Variants in COMMD10 observed in about 807,000 individuals in gnomAD.
COMMD10 encodes the protein COMM domain containing 10.
A neutral mutation model predicts 28.9 loss-of-function variants in COMMD10; 33 were observed. The observed-to-expected ratio is 1.14, with a 90% CI of 0.87 to 1.53. The LOEUF (loss-of-function observed/expected upper bound fraction) is 1.53, where lower values mean the gene tolerates loss of function less well. COMMD10 is among the 40% of genes most tolerant of loss of function. COMMD10 has a pLI of 0.00. For synonymous variants in COMMD10, 110 were observed against 81.7 expected (o/e 1.35, Z -1.87); for missense variants, 310 against 233.4 (o/e 1.33, Z -2.14).
intron 5 of COMMD10, among the ~76,000 whole-genome samples, chr5:116,290,312 A>G (rs942779653): frequency 3.3e-5 from 5 of 151,920 alleles, no homozygotes; most frequent in Admixed American, 1.3e-4. Flanking sequence ...TCATGATTTT[A>G]TATCATTCTT....
intron 5 of COMMD10, chr5:116,188,586 TCTTTC>T (rs1748225707): frequency 6.6e-6 from 1 of 151,874 alleles, no homozygotes; most frequent in East Asian, 1.9e-4. Flanking sequence ...TTTCTTTCTT[TCTTTC>T]TTTTCTTCTT....
At chr5:116,158,684 A>C (rs1324899995) in intron 5 of COMMD10, among the ~76,000 whole-genome samples, 1 of 152,018 alleles carries the variant, frequency 6.6e-6, no homozygotes, top group African/African-American at 2.4e-5. Flanking sequence ...TGTTTTCTTA[A>C]GTGTTTTTAC....
At chr5:116,229,295 A>T (rs1417652793) in intron 5 of COMMD10, among the ~76,000 whole-genome samples, 7 of 152,018 alleles carry the variant, frequency 4.6e-5, no homozygotes. Context: ...GTCTCTAGGG[A>T]CAGGTATTCA....
chr5:116,235,354 G>A (rs967547076), intron 5 of COMMD10, among the ~76,000 whole-genome samples: 1 of 152,110 alleles, frequency 6.6e-6, no homozygotes, highest in Non-Finnish European at 1.5e-5. Flanking sequence ...GTTACATTTC[G>A]AGTTCCAAGT....
intron 5 of COMMD10, among the ~76,000 whole-genome samples, chr5:116,197,406 T>G (rs1051220974): frequency 6.6e-6 from 1 of 152,124 alleles, no homozygotes; most frequent in Non-Finnish European, 1.5e-5. Flanking sequence ...TTTGGAGATA[T>G]GATCTTGCCC....
At chr5:116,152,664 C>T (rs1211597195) in intron 5 of COMMD10, among the ~76,000 whole-genome samples, 2 of 151,632 alleles carry the variant, frequency 1.3e-5, no homozygotes, top group Non-Finnish European at 2.9e-5. Flanking sequence ...AAATATGCTG[C>T]TAGTTACAGC....
intron 5 of COMMD10, among the ~76,000 whole-genome samples, chr5:116,157,252 A>T (rs1580500090): frequency 2.6e-5 from 4 of 152,178 alleles, no homozygotes. Context: ...TTGTGGCAGG[A>T]CCTTACCTTT....
intron 5 of COMMD10, among the ~76,000 whole-genome samples, chr5:116,264,474 A>C (rs565222594): frequency 6.6e-6 from 1 of 151,900 alleles, no homozygotes; most frequent in Admixed American, 6.6e-5. Context: ...TCACTGTAGC[A>C]CTTAGCATGC....
chr5:116,133,922 G>A (rs1751941212), intron 4 of COMMD10, 146 bp from the exon 5 acceptor site: 5 of 548,104 alleles, frequency 9.1e-6, no homozygotes, highest in Non-Finnish European at 1.6e-5. Context: ...AATTCGCAGA[G>A]TATGCAGGTT....
At chr5:116,161,866 T>C (rs1752929918) in intron 5 of COMMD10, among the ~76,000 whole-genome samples, 1 of 152,164 alleles carries the variant, frequency 6.6e-6, no homozygotes, top group Non-Finnish European at 1.5e-5. Context: ...TAAACTCACG[T>C]ATAAATGGAC....
At chr5:116,245,890 C>G (rs894635043) in intron 5 of COMMD10, among the ~76,000 whole-genome samples, 27 of 152,092 alleles carry the variant, frequency 1.8e-4, no homozygotes, top group Non-Finnish European at 1.3e-4. Context: ...ACTGAATGAG[C>G]AAAAGCTGGA....
At position 116,291,515 on chromosome 5, in the gene COMMD10, A is replaced by G; in HGVS notation, c.511-2A>G. On this transcript the variant is annotated splice_acceptor_variant, in intron 5 of 6. Coordinates refer to ENST00000274458, the MANE Select transcript of COMMD10 (RefSeq NM_016144.4). LOFTEE classifies it high-confidence loss of function. ...TCTTTTTGTTGTTTTTCTTCCTTAC[A>G]GAGCCTGGAGAAAGTTCTTGTGGAA... 1 of 1,597,282 alleles carries G rather than the reference A, an allele frequency of 6.3e-7. No homozygotes were observed. The highest frequency in any genetic ancestry group is 8.6e-7 in the Non-Finnish European group (1 of 1,168,988).
intron 5 of COMMD10, among the ~76,000 whole-genome samples, chr5:116,176,175 G>A (rs1325920531): frequency 6.6e-6 from 1 of 152,100 alleles, no homozygotes; most frequent in African/African-American, 2.4e-5. Context: ...GCAGTGGCAC[G>A]ATCTTGGTTC....
chr5:116,260,488 A>G (rs1364752924), intron 5 of COMMD10, among the ~76,000 whole-genome samples: 1 of 151,856 alleles, frequency 6.6e-6, no homozygotes, highest in African/African-American at 2.4e-5. Context: ...GTTATTTTCA[A>G]AAGTGCCATG....
chr5:116,216,010 A>C (rs1244860357), intron 5 of COMMD10, among the ~76,000 whole-genome samples: 2 of 152,082 alleles, frequency 1.3e-5, no homozygotes, highest in African/African-American at 2.4e-5. Context: ...GGGAAAGGAA[A>C]GGCCTTATCA....
chr5:116,280,597 G>A (rs1009660909), intron 5 of COMMD10, among the ~76,000 whole-genome samples: 3 of 151,804 alleles, frequency 2.0e-5, no homozygotes, highest in African/African-American at 7.3e-5. Context: ...TTCTCGGGCA[G>A]CACATGTTAC....
chr5:116,092,663 T>C lies in COMMD10; in HGVS notation c.362T>C (p.Val121Ala), dbSNP rs200380253. The change falls in exon 4 of 7, where the codon GTT (valine) becomes GCT (alanine). Residue 121 changes from valine to alanine, a missense_variant. Coordinates refer to ENST00000274458, the MANE Select transcript of COMMD10 (RefSeq NM_016144.4). The part of the protein sequence containing the change: ...NTWSSMGQET[V>A]EKFRQRILAP... The stretch of plus-strand genomic sequence containing the variant: ...TGGTCTTCTATGGGTCAAGAAACAG[T>C]TGAAAAGTTCCGGCAGAGAATTCTG... 6.2e-6 allele frequency: 10 copies of C among 1,609,516 alleles called. No individual in the cohort carries two copies. Among genetic ancestry groups the C allele is most frequent in the Middle Eastern group, 1.7e-4 (1 of 6,050 alleles).
At chr5:116,202,463 A>C (rs1204678830) in intron 5 of COMMD10, among the ~76,000 whole-genome samples, 5 of 151,956 alleles carry the variant, frequency 3.3e-5, no homozygotes, top group African/African-American at 1.2e-4. Flanking sequence ...ATCGCCACAC[A>C]GACTTCCACA....
intron 2 of COMMD10, among the ~76,000 whole-genome samples, chr5:116,090,815 G>A (rs1750269167): frequency 6.6e-6 from 1 of 152,192 alleles, no homozygotes; most frequent in South Asian, 2.1e-4. Context: ...TAGGATAGAT[G>A]AGCCCCTTAG....
Sources: allele counts gnomAD v4.1 joint callset (sites outside exome capture counted in the v4.1 genomes callset), GRCh38; gene constraint gnomAD v4.1.1; transcripts MANE v1.5; gene names NCBI Gene and HGNC (gene_info 2026-07-23, HGNC 2026-07-21).